Variants in BCL10 observed in about 807,000 individuals in gnomAD.
The protein encoded by BCL10 is BCL10 immune signaling adaptor.
BCL10 carries 5 observed loss-of-function variants against 19.2 expected under a neutral mutation model. That is an observed-to-expected ratio of 0.26 (90% CI 0.14 to 0.55). The LOEUF (loss-of-function observed/expected upper bound fraction) is 0.55. BCL10 is among the 20% of genes least tolerant of loss of function. BCL10 has a pLI of 0.94. For missense variants in BCL10, 201 were observed against 271.9 expected, an observed-to-expected ratio of 0.74 and a Z score of 1.83; for synonymous variants, 110 against 98.8, an observed-to-expected ratio of 1.11 and a Z score of -0.67.
rs889330625 is a variant in BCL10 at position 85,266,003 on chromosome 1, T to C, written c.*1624A>G. On this transcript the variant is annotated 3_prime_UTR_variant, in exon 3 of 3. Coordinates refer to ENST00000648566, the MANE Select transcript of BCL10 (RefSeq NM_003921.5). ...CTTTCTAACACCACTATTTTTGCTATGCATTGGAGGTGAAACATTTCTCTA... is the reference window on the plus strand; with the variant it reads ...CTTTCTAACACCACTATTTTTGCTACGCATTGGAGGTGAAACATTTCTCTA... Among the ~76,000 whole-genome samples, 2 of 152,216 alleles carry C rather than the reference T, an allele frequency of 1.3e-5. No individual in the cohort carries two copies. The highest frequency in any genetic ancestry group is 4.8e-5 in the African/African-American group (2 of 41,456).
chr1:85,267,503 A>ATTT lies in BCL10; in HGVS notation c.*123_*124insAAA. ...ATTCTAAAAATCCTATTTACAAAGTATGCTTACATTGCATTTTAAAAGACA... is the reference window on the plus strand; with the variant it reads ...ATTCTAAAAATCCTATTTACAAAGTATTTTGCTTACATTGCATTTTAAAAGACA... On this transcript the variant is annotated 3_prime_UTR_variant, in exon 3 of 3. Transcript: ENST00000648566. 1 of 766,772 alleles carries ATTT rather than the reference A, an allele frequency of 1.3e-6. No individual in the cohort carries two copies. The highest frequency in any genetic ancestry group is 2.0e-6 in the Non-Finnish European group (1 of 492,544). The allele number at this position is 766,772 out of a possible 1,614,324, so 47.5% of individuals were successfully genotyped here.
At chr1:85,270,507 C>T in intron 2 of BCL10, 111 bp downstream of exon 2, 1 of 990,564 alleles carries the variant, frequency 1.0e-6, no homozygotes, top group Non-Finnish European at 1.5e-6. Context: ...CTCCTGACCT[C>T]AAGCAATCCT....
intron 1 of BCL10, 72 bp from the exon 2 acceptor site, chr1:85,270,978 G>C: frequency 2.1e-6 from 3 of 1,433,720 alleles, no homozygotes; most frequent in Non-Finnish European, 2.9e-6. Flanking sequence ...CTATTAGTTG[G>C]CAGTCTTAGC....
At chr1:85,270,950 A>T in intron 1 of BCL10, 44 bp from the exon 2 acceptor site, 1 of 1,555,556 alleles carries the variant, frequency 6.4e-7, no homozygotes, top group South Asian at 1.2e-5. Flanking sequence ...TTAACATCTA[A>T]GAAAATCACA....
In BCL10 at chr1:85,267,757, G is replaced by A. The variant is rs924399685; in HGVS notation, c.572C>T (p.Thr191Ile). ...RTENTIFSST[T>I]LPRPGDPGAP... The stretch of plus-strand genomic sequence containing the variant: ...CCCTGGGTCCCCAGGTCTGGGAAGT[G>A]TAGTTGAAGAGAAGATGGTATTTTC... The change falls in exon 3 of 3, where the codon ACA becomes ATA. Residue 191 changes from threonine (T) to isoleucine (I), a missense_variant. Coordinates refer to ENST00000648566, the MANE Select transcript of BCL10 (RefSeq NM_003921.5). The A allele has an allele frequency of 6.2e-7, 1 of 1,614,224 alleles. No homozygotes were observed. Among genetic ancestry groups the A allele is most frequent in the African/African-American group, 1.3e-5 (1 of 75,056 alleles).
rs760264692 is a variant in BCL10, at chr1:85,267,941, T to C, written c.388A>G (p.Thr130Ala). ...SSCEPFPDGATNNLSRSNSDE... is the reference protein window; with the variant it reads ...SSCEPFPDGAANNLSRSNSDE... ...GAATTTGATCTGGAGAGGTTGTTCG[T>C]GGCTCCATCTGGAAAAGGTTCACAA... is the stretch of plus-strand genomic sequence containing the variant. Residue 130 changes from threonine to alanine, a missense_variant, in exon 3 of 3, where the codon ACG becomes GCG. Physicochemically the swap from Thr to Ala is moderately conservative, Grantham distance 58. Around this residue, in one of 3 missense-constraint regions of BCL10, gnomAD observed 126 missense variants for 136.6 expected, o/e 0.92. Coordinates refer to ENST00000648566, the MANE Select transcript of BCL10 (RefSeq NM_003921.5). 6.2e-7 allele frequency: 1 copy of C among 1,601,464 alleles called. No individual in the cohort carries two copies. The highest frequency in any genetic ancestry group is 8.5e-7 in the Non-Finnish European group (1 of 1,173,104).
chr1:85,267,964 C>G lies in BCL10; in HGVS notation c.365G>C (p.Cys122Ser), dbSNP rs776283248. The G allele has an allele frequency of 5.1e-6, 8 of 1,571,670 alleles. No individual in the cohort carries two copies. Among genetic ancestry groups the G allele is most frequent in the African/African-American group, 1.4e-5 (1 of 73,268 alleles). The change falls in exon 3 of 3, where the codon TGT becomes TCT. Residue 122 changes from cysteine (C) to serine (S), a missense_variant. Transcript: ENST00000648566. ...EHLKGLKCSS[C>S]EPFPDGATNN... ...CGTGGCTCCATCTGGAAAAGGTTCA[C>G]AACTGCTACATTTTAGTCCTACAAT...
rs1660226245 is a variant in BCL10, at chr1:85,267,289, T to C, written c.*338A>G. ...TTGAAAATTTCTAGCACAAATGCAC[T>C]GAGGAAAAAACGTTCTTCCTAGTAA... On this transcript the variant is annotated 3_prime_UTR_variant, in exon 3 of 3. Transcript: ENST00000648566. 4.1e-6 allele frequency: 1 copy of C among 243,828 alleles called. No individual in the cohort carries two copies. Among genetic ancestry groups the C allele is most frequent in the South Asian group, 1.4e-4 (1 of 7,312 alleles). 15.1% of individuals were successfully genotyped at this position (243,828 alleles called of 1,614,324 possible).
Position 85,269,812 on chromosome 1 carries a change from G to C in BCL10, c.346+806C>G, listed in dbSNP as rs186843467. Among the ~76,000 whole-genome samples the C allele has an allele frequency of 2.6e-5, 4 of 152,352 alleles. No individual in the cohort carries two copies. In the East Asian group the frequency reaches 5.8e-4, roughly 22 times the overall value. On this transcript the variant is annotated intron_variant, in intron 2 of 2. Coordinates refer to ENST00000648566, the MANE Select transcript of BCL10 (RefSeq NM_003921.5). ...AGTGAGTGTATATTCTGGAGTGAGA[G>C]TGAAATGGGACAGGTGAATCTGCTA... is the stretch of plus-strand genomic sequence containing the variant.
Position 85,267,813 on chromosome 1 carries a change from C to T in BCL10, c.516G>A (p.Leu172=), listed in dbSNP as rs750037123. ...TTPFFSTNSS[L]NLPVLEVGRT... ...TGCCTACTTCTAGAACAGGCAAATT[C>T]AGAGAAGAATTAGTAGAAAAAAAGG... Residue 172 remains leucine, a synonymous_variant, in exon 3 of 3, where the codon CTG becomes CTA. Coordinates refer to ENST00000648566, the MANE Select transcript of BCL10 (RefSeq NM_003921.5). 3 of 1,614,174 alleles carry T rather than the reference C, an allele frequency of 1.9e-6. No individual in the cohort carries two copies. The highest frequency in any genetic ancestry group is 2.5e-6 in the Non-Finnish European group (3 of 1,180,040).
rs1660205416 is a variant in BCL10 at position 85,266,839 on chromosome 1, A to G, written c.*788T>C. 6.0e-6 allele frequency: 1 copy of G among 167,004 alleles called. No homozygotes were observed. Among genetic ancestry groups the G allele is most frequent in the Non-Finnish European group, 1.2e-5 (1 of 81,276 alleles). 10.3% of individuals were successfully genotyped at this position (167,004 alleles called of 1,614,324 possible). On this transcript the variant is annotated 3_prime_UTR_variant, in exon 3 of 3. Coordinates refer to ENST00000648566, the MANE Select transcript of BCL10 (RefSeq NM_003921.5). ...AGTTGCAGTGAGCCTAGAATGCGCC[A>G]CTGCACTCCAGCCTGGGCGATAGAG...
chr1:85,269,838 T>A (rs1660321276), intron 2 of BCL10, among the ~76,000 whole-genome samples: 1 of 152,240 alleles, frequency 6.6e-6, no homozygotes, highest in Admixed American at 6.5e-5. Flanking sequence ...GAATCTGCTA[T>A]TCTCTTAATC....
chr1:85,274,924 T>G (rs964596386), intron 1 of BCL10, among the ~76,000 whole-genome samples: 2 of 152,224 alleles, frequency 1.3e-5, no homozygotes, highest in Non-Finnish European at 2.9e-5. Context: ...ATCAATGAAT[T>G]GACAGAGAAG....
chr1:85,273,446 A>G (rs1167465791), intron 1 of BCL10, among the ~76,000 whole-genome samples: 1 of 152,186 alleles, frequency 6.6e-6, no homozygotes, highest in African/African-American at 2.4e-5. Context: ...TCAAGCTAAC[A>G]ATTCACTTTT....
At position 85,267,383 on chromosome 1, in the gene BCL10, G is replaced by A. The variant is rs2100742581; in HGVS notation, c.*244C>T. On this transcript the variant is annotated 3_prime_UTR_variant, in exon 3 of 3. Transcript: ENST00000648566. ...CTTAAAATAGAAAATATTTAAAAAA[G>A]TACTGAAAGACCTTAAAAAGGAAAA... 1 of 400,956 alleles carries A rather than the reference G, an allele frequency of 2.5e-6. No individual in the cohort carries two copies. The highest frequency in any genetic ancestry group is 5.3e-5 in the South Asian group (1 of 18,848). 24.8% of individuals were successfully genotyped at this position (400,956 alleles called of 1,614,324 possible). A position where few individuals can be genotyped will look rare whatever the true frequency, so the allele number is the denominator to read the frequency against.
In BCL10 at chr1:85,271,363, TAAAGAC is replaced by T. The variant is rs28365787; in HGVS notation, c.58-463_58-458del. 5.3e-5 allele frequency among the ~76,000 whole-genome samples: 8 copies of T among 152,298 alleles called. No homozygotes were observed. In the East Asian group the frequency reaches 1.5e-3, roughly 29 times the overall value. On this transcript the variant is annotated intron_variant, in intron 1 of 2. Coordinates refer to ENST00000648566, the MANE Select transcript of BCL10 (RefSeq NM_003921.5). Reference sequence around the variant, plus strand: ...TAATTACTCCATTTCCTTAAACTGTTAAAGACAAAAAACAAAACCCTAAACTGAAAG... The same window carrying T: ...TAATTACTCCATTTCCTTAAACTGTTAAAAAACAAAACCCTAAACTGAAAG...
intron 2 of BCL10, among the ~76,000 whole-genome samples, chr1:85,269,182 C>T (rs991944839): frequency 7.2e-5 from 11 of 152,224 alleles, no homozygotes; most frequent in Non-Finnish European, 1.0e-4. Flanking sequence ...CAGATGCTGG[C>T]GCCATGGTCT....
rs2100743454 is a variant in BCL10, at chr1:85,267,838, G to T, written c.491C>A (p.Pro164His). ...CAGAGAAGAATTAGTAGAAAAAAAG[G>T]GCGTCGTGCTGGATTCTCCTTCTGG... is the stretch of plus-strand genomic sequence containing the variant. ...YHPEGESSTT[P>H]FFSTNSSLNL... The change falls in exon 3 of 3, where the codon CCC becomes CAC. Residue 164 changes from proline to histidine, a missense_variant. By Grantham distance (77) the Pro-to-His change is moderately conservative. Coordinates refer to ENST00000648566, the MANE Select transcript of BCL10 (RefSeq NM_003921.5). 6.2e-7 allele frequency: 1 copy of T among 1,614,156 alleles called. No homozygotes were observed. Among genetic ancestry groups the T allele is most frequent in the Non-Finnish European group, 8.5e-7 (1 of 1,180,038 alleles).
At position 85,267,805 on chromosome 1, in the gene BCL10, G is replaced by C. The variant is rs1427414827; in HGVS notation, c.524C>G (p.Pro175Arg). The part of the protein sequence containing the change: ...FFSTNSSLNL[P>R]VLEVGRTENT... The stretch of plus-strand genomic sequence containing the variant: ...TTCAGTTCTGCCTACTTCTAGAACA[G>C]GCAAATTCAGAGAAGAATTAGTAGA... Residue 175 changes from proline (P) to arginine (R), a missense_variant, in exon 3 of 3, where the codon CCT becomes CGT. By Grantham distance (103) the Pro-to-Arg change is moderately radical. Coordinates refer to ENST00000648566, the MANE Select transcript of BCL10 (RefSeq NM_003921.5). 2 of 1,614,204 alleles carry C rather than the reference G, an allele frequency of 1.2e-6. No individual in the cohort carries two copies. Among genetic ancestry groups the C allele is most frequent in the Non-Finnish European group, 8.5e-7 (1 of 1,180,052 alleles).
Sources: gnomAD v4.1 joint callset for allele counts (sites outside exome capture counted in the v4.1 genomes callset) on GRCh38, gnomAD v4.1.1 for gene constraint, gnomAD v4.1.1 regional missense constraint, MANE v1.5 for transcripts, NCBI Gene and HGNC (gene_info 2026-07-23, HGNC 2026-07-21) for gene names.